THSD4: variants seen among roughly 807,000 people sequenced by gnomAD.
THSD4 encodes the protein thrombospondin type 1 domain containing 4, also known as thrombospondin type-1 domain-containing protein 4.
A neutral mutation model predicts 119.0 loss-of-function variants in THSD4; 69 were observed. The ratio of observed to expected loss-of-function variants is 0.58; its 90% CI spans 0.48 to 0.71. The LOEUF (loss-of-function observed/expected upper bound fraction) is 0.71, where lower values mean the gene tolerates loss of function less well. Ranked by LOEUF, THSD4 falls within the 30% of genes least tolerant of loss-of-function variation. The probability of loss-of-function intolerance (pLI) is 0.00; values close to 1 mark genes in which losing one functional copy is unlikely to be tolerated. For missense variants in THSD4, 1,393 were observed against 1,391.1 expected (o/e 1.00, Z -0.02); for synonymous variants, 524 against 540.4 (o/e 0.97, Z 0.42).
intron 8 of THSD4, among the ~76,000 whole-genome samples, chr15:71,702,190 G>GC (rs1450140916): frequency 1.3e-5 from 2 of 152,014 alleles, no homozygotes; most frequent in Admixed American, 6.6e-5. Context: ...TCGTCCAGGG[G>GC]CCCCCCAGAA....
intron 7 of THSD4, among the ~76,000 whole-genome samples, chr15:71,641,325 T>A (rs1265459209): frequency 2.0e-5 from 3 of 151,848 alleles, no homozygotes; most frequent in Admixed American, 2.0e-4. Context: ...GGAAATCTAA[T>A]CTTTCTTCCA....
intron 8 of THSD4, among the ~76,000 whole-genome samples, chr15:71,700,624 A>G (rs1367999457): frequency 6.6e-6 from 1 of 152,116 alleles, no homozygotes; most frequent in Non-Finnish European, 1.5e-5. Context: ...AAGCTTTTGA[A>G]TAAAGATGAA....
intron 8 of THSD4, among the ~76,000 whole-genome samples, chr15:71,694,725 A>T (rs1476853457): frequency 6.6e-6 from 1 of 152,228 alleles, no homozygotes; most frequent in African/African-American, 2.4e-5. Flanking sequence ...TTTTCAGGAC[A>T]TGCTGTTATA....
chr15:71,518,835 T>C (rs920777695), intron 7 of THSD4, among the ~76,000 whole-genome samples: 1 of 152,310 alleles, frequency 6.6e-6, no homozygotes, highest in East Asian at 1.9e-4. Context: ...AAATGTTTAT[T>C]GGTGGTTACT....
At chr15:71,107,399 G>T (rs920613489) in intron 1 of THSD4, among the ~76,000 whole-genome samples, 1 of 149,582 alleles carries the variant, frequency 6.7e-6, no homozygotes. Flanking sequence ...AGAAAAGAAA[G>T]AAAGAAAGCA....
At chr15:71,336,149 C>G (rs570128793) in intron 6 of THSD4, among the ~76,000 whole-genome samples, 1 of 152,306 alleles carries the variant, frequency 6.6e-6, no homozygotes, top group Admixed American at 6.5e-5. Context: ...TCTCCCTCTC[C>G]CCACAAAATG....
chr15:71,114,439 G>C (rs116208235), upstream of THSD4, among the ~76,000 whole-genome samples: 283 of 152,204 alleles, frequency 1.9e-3, 1 homozygote, highest in African/African-American at 6.7e-3. Context: ...TGAAATTTAG[G>C]GAAACGCCTG....
intron 7 of THSD4, among the ~76,000 whole-genome samples, chr15:71,516,393 T>G (rs141311971): frequency 1.1e-3 from 163 of 152,288 alleles, no homozygotes; most frequent in East Asian, 4.2e-3. Context: ...CGGCTTGGCT[T>G]AAAATACCGT....
intron 6 of THSD4, among the ~76,000 whole-genome samples, chr15:71,314,749 G>A (rs559018430): frequency 6.6e-6 from 1 of 152,140 alleles, no homozygotes; most frequent in Non-Finnish European, 1.5e-5. Context: ...CTGTAGTGCA[G>A]GTTAGATATT....
At chr15:71,276,405 T>A (rs1288192068) in intron 6 of THSD4, among the ~76,000 whole-genome samples, 1 of 152,248 alleles carries the variant, frequency 6.6e-6, no homozygotes, top group Non-Finnish European at 1.5e-5. Context: ...TTTATTATCC[T>A]GACTCTTCCC....
intron 8 of THSD4, among the ~76,000 whole-genome samples, chr15:71,707,929 G>A (rs970530998): frequency 2.0e-5 from 3 of 152,186 alleles, no homozygotes; most frequent in African/African-American, 7.2e-5. Context: ...ACTGTGTTGT[G>A]CAAGAGTATA....
intron 10 of THSD4, among the ~76,000 whole-genome samples, chr15:71,736,534 GCTCT>G (rs1312339765): frequency 6.8e-6 from 1 of 147,868 alleles, no homozygotes; most frequent in Non-Finnish European, 1.5e-5. Flanking sequence ...TGTCTCTCTT[GCTCT>G]CTGTCTCTCT....
intron 7 of THSD4, among the ~76,000 whole-genome samples, chr15:71,495,364 A>G: frequency 6.6e-6 from 1 of 152,190 alleles, no homozygotes; most frequent in Non-Finnish European, 1.5e-5. Context: ...CCCCTCTCAG[A>G]GCAGAGTCTG....
At chr15:71,668,457 C>A (rs1485565982) in intron 8 of THSD4, among the ~76,000 whole-genome samples, 3 of 151,916 alleles carry the variant, frequency 2.0e-5, no homozygotes, top group Non-Finnish European at 4.4e-5. Flanking sequence ...TGGAAGACAG[C>A]AGGTAAAAGG....
Position 71,781,010 on chromosome 15 carries a change from C to A in THSD4, c.*3636C>A. Reference sequence around the variant, plus strand: ...ATATCAATTCTAATGAGGAGGAAGACATAAATATAAGTGGTAAAAAGAAAC... The same window carrying A: ...ATATCAATTCTAATGAGGAGGAAGAAATAAATATAAGTGGTAAAAAGAAAC... On this transcript the variant is annotated 3_prime_UTR_variant, in exon 18 of 18. Transcript: ENST00000261862. The A allele has an allele frequency of 3.0e-6, 1 of 333,366 alleles. No homozygotes were observed. The highest frequency in any genetic ancestry group is 5.9e-6 in the Non-Finnish European group (1 of 168,376). The allele number at this position is 333,366 out of a possible 1,614,324, so 20.7% of individuals were successfully genotyped here.
rs2040371590 is a variant in THSD4 at position 71,117,300 on chromosome 15, G to C, written c.-80+1602G>C. On this transcript the variant is annotated intron_variant, in intron 1 of 17. Coordinates refer to ENST00000261862, the MANE Select transcript of THSD4 (RefSeq NM_024817.3). The stretch of plus-strand genomic sequence containing the variant: ...GAAAGAAAAATACAGCCCAGAGTTT[G>C]GGAGGAAGATCAGGGGTGGGGAGAT... Among the ~76,000 whole-genome samples the C allele has an allele frequency of 2.0e-5, 3 of 152,164 alleles. No homozygotes were observed. In the South Asian group the frequency reaches 6.2e-4, roughly 32 times the overall value.
intron 6 of THSD4, among the ~76,000 whole-genome samples, chr15:71,318,499 T>G (rs2045221830): frequency 6.6e-6 from 1 of 152,174 alleles, no homozygotes; most frequent in Non-Finnish European, 1.5e-5. Context: ...TAGCCCAGCA[T>G]AAAGGCTCCT....
intron 8 of THSD4, among the ~76,000 whole-genome samples, chr15:71,720,838 C>G (rs1246044867): frequency 1.3e-5 from 2 of 152,348 alleles, no homozygotes; most frequent in East Asian, 3.9e-4. Context: ...CTTACCGTAG[C>G]TTCCAAGAAC....
chr15:71,375,059 T>C (rs886460473), intron 6 of THSD4, among the ~76,000 whole-genome samples: 1 of 152,134 alleles, frequency 6.6e-6, no homozygotes, highest in African/African-American at 2.4e-5. Context: ...CACACTCCCT[T>C]TTCCCCATTT....
Sources: gnomAD v4.1 joint callset for allele counts (sites outside exome capture counted in the v4.1 genomes callset) on GRCh38, gnomAD v4.1.1 for gene constraint, MANE v1.5 for transcripts, NCBI Gene and HGNC (gene_info 2026-07-23, HGNC 2026-07-21) for gene names.